Variants in ATXN1 observed in about 807,000 individuals in gnomAD.
ATXN1 encodes the protein ataxin 1, also known as ataxin-1.
Under a neutral mutation model 56.4 loss-of-function variants are expected in ATXN1, and 8 were observed. The observed-to-expected ratio is 0.14, with a 90% CI of 0.08 to 0.26. The LOEUF is 0.26. ATXN1 is among the 10% of genes least tolerant of loss of function. The pLI is 1.00. For synonymous variants in ATXN1, 514 were observed against 494.6 expected, an observed-to-expected ratio of 1.04 and a Z score of -0.52; for missense variants, 987 against 1,106.5, an observed-to-expected ratio of 0.89 and a Z score of 1.53.
At chr6:16,405,055 T>C (rs377021363) in intron 6 of ATXN1, among the ~76,000 whole-genome samples, 4 of 152,362 alleles carry the variant, frequency 2.6e-5, no homozygotes, top group African/African-American at 7.2e-5. Flanking sequence ...GAATATCAAA[T>C]GTGACCAGCC....
chr6:16,453,231 C>T (rs927121313), intron 6 of ATXN1, among the ~76,000 whole-genome samples: 11 of 152,182 alleles, frequency 7.2e-5, no homozygotes, highest in East Asian at 1.9e-4. Flanking sequence ...GATGCCGAGG[C>T]GGGTGGATCA....
intron 3 of ATXN1, among the ~76,000 whole-genome samples, chr6:16,625,832 T>C (rs1157913574): frequency 6.6e-6 from 1 of 152,070 alleles, no homozygotes; most frequent in Admixed American, 6.6e-5. Context: ...ATATTTGGAA[T>C]GAGAATAGTG....
At chr6:16,524,520 T>C (rs2113698707) in intron 4 of ATXN1, among the ~76,000 whole-genome samples, 1 of 152,370 alleles carries the variant, frequency 6.6e-6, no homozygotes, top group Admixed American at 6.5e-5. Context: ...GAGCCTCAGC[T>C]GAGTCACAGA....
chr6:16,401,519 C>T (rs1254352893), intron 6 of ATXN1, among the ~76,000 whole-genome samples: 6 of 152,146 alleles, frequency 3.9e-5, no homozygotes, highest in African/African-American at 9.7e-5. Flanking sequence ...GGTGGAGAAT[C>T]GCTTGAGAGA....
chr6:16,335,373 G>C (rs1412958531), intron 6 of ATXN1, among the ~76,000 whole-genome samples: 2 of 152,224 alleles, frequency 1.3e-5, no homozygotes, highest in Non-Finnish European at 2.9e-5. Context: ...CTTTGTAGAA[G>C]ATGCTGTCTG....
chr6:16,580,915 G>C (rs1416367341), intron 4 of ATXN1, among the ~76,000 whole-genome samples: 1 of 152,072 alleles, frequency 6.6e-6, no homozygotes, highest in East Asian at 1.9e-4. Flanking sequence ...AAAAGGGAAG[G>C]GCATATTTAT....
intron 2 of ATXN1, among the ~76,000 whole-genome samples, chr6:16,747,764 T>C (rs1168221784): frequency 2.0e-5 from 3 of 152,064 alleles, no homozygotes; most frequent in Non-Finnish European, 4.4e-5. Flanking sequence ...TTCTTCTCTA[T>C]CATCTTGACA....
chr6:16,459,875 G>C (rs1759954999), intron 6 of ATXN1, among the ~76,000 whole-genome samples: 1 of 152,180 alleles, frequency 6.6e-6, no homozygotes. Context: ...TAGATCTCTT[G>C]AACTTTCTAG....
intron 2 of ATXN1, chr6:16,666,508 TTTTC>T (rs745958606): frequency 5.8e-5 from 9 of 155,688 alleles, no homozygotes; most frequent in African/African-American, 1.2e-4. Context: ...ATGACTTTTC[TTTTC>T]TTTCTTTCTT....
chr6:16,751,479 T>C (rs1290164419), intron 2 of ATXN1, among the ~76,000 whole-genome samples: 1 of 152,170 alleles, frequency 6.6e-6, no homozygotes, highest in Admixed American at 6.5e-5. Context: ...TTTTTGGCTG[T>C]TTTTCCTGAG....
Position 16,542,243 on chromosome 6 carries a change from G to A in ATXN1, c.-360-19555C>T, listed in dbSNP as rs565436104. On this transcript the variant is annotated intron_variant, in intron 4 of 7. Transcript: ENST00000436367. ...CAATGGGTTCTCTGCACAGCCACAC[G>A]GTCATTAGCATCCACAATCTGCATT... Among the ~76,000 whole-genome samples, 11 of 152,276 alleles carry A rather than the reference G, an allele frequency of 7.2e-5. No homozygotes were observed. The South Asian group carries it at 1.7e-3, about 23-fold the overall frequency.
chr6:16,479,451 T>C lies in ATXN1; in HGVS notation c.-161+6521A>G, dbSNP rs139468277. ...TATTACATAGCTACCACTGGAAATT[T>C]AACATGAATTTAAGTTGGAGACATG... On this transcript the variant is annotated intron_variant, in intron 6 of 7. Transcript: ENST00000436367. Among the ~76,000 whole-genome samples the C allele has an allele frequency of 3.2e-4, 48 of 152,376 alleles. No individual in the cohort carries two copies. The East Asian group carries it at 9.2e-3, about 29-fold the overall frequency.
chr6:16,561,239 A>C (rs1762111135), intron 4 of ATXN1, among the ~76,000 whole-genome samples: 1 of 152,116 alleles, frequency 6.6e-6, no homozygotes, highest in Admixed American at 6.5e-5. Context: ...CATAACACTC[A>C]TTGCTATTTT....
chr6:16,740,247 A>G (rs1458068357), intron 2 of ATXN1, among the ~76,000 whole-genome samples: 1 of 152,246 alleles, frequency 6.6e-6, no homozygotes, highest in Non-Finnish European at 1.5e-5. Context: ...TTTTACTAAA[A>G]GATTAGCCAC....
At chr6:16,320,077 G>A (rs965730226) in intron 7 of ATXN1, among the ~76,000 whole-genome samples, 10 of 152,190 alleles carry the variant, frequency 6.6e-5, no homozygotes, top group African/African-American at 2.4e-4. Context: ...CATGTTCAAT[G>A]TTGGCAAGTG....
chr6:16,333,912 A>C (rs774203131), intron 6 of ATXN1, among the ~76,000 whole-genome samples: 1 of 152,194 alleles, frequency 6.6e-6, no homozygotes, highest in Non-Finnish European at 1.5e-5. Flanking sequence ...TGCTTGGAGT[A>C]TCTAGAATGG....
chr6:16,550,787 G>GT (rs1014849941), intron 4 of ATXN1, among the ~76,000 whole-genome samples: 1 of 152,078 alleles, frequency 6.6e-6, no homozygotes, highest in Admixed American at 6.6e-5. Flanking sequence ...AAAGGATTAA[G>GT]TTTTTTTCTT....
At chr6:16,580,521 G>A (rs1443478201) in intron 4 of ATXN1, among the ~76,000 whole-genome samples, 1 of 152,100 alleles carries the variant, frequency 6.6e-6, no homozygotes, top group Non-Finnish European at 1.5e-5. Flanking sequence ...CAATAAGAAA[G>A]ACAAAATTGT....
intron 3 of ATXN1, among the ~76,000 whole-genome samples, chr6:16,655,372 A>T (rs2113354859): frequency 6.6e-6 from 1 of 152,148 alleles, no homozygotes; most frequent in East Asian, 1.9e-4. Flanking sequence ...AAATGGAAAA[A>T]TTAGCCAGGC....
Sources: gnomAD v4.1 joint callset for allele counts (sites outside exome capture counted in the v4.1 genomes callset) on GRCh38, gnomAD v4.1.1 for gene constraint, MANE v1.5 for transcripts, NCBI Gene and HGNC (gene_info 2026-07-23, HGNC 2026-07-21) for gene names.